CAPN12: variants seen among roughly 807,000 people sequenced by gnomAD.
CAPN12 encodes calpain 12.
In CAPN12, 107 loss-of-function variants were observed where a neutral mutation model predicts 95.0. The ratio of observed to expected loss-of-function variants is 1.13; its 90% CI spans 0.96 to 1.32. The LOEUF is 1.32. CAPN12 is among the 40% of genes most tolerant of loss of function. The pLI is 0.00. For synonymous variants in CAPN12, 505 were observed against 415.5 expected, an observed-to-expected ratio of 1.22 and a Z score of -2.62; for missense variants, 1,136 against 997.8, an observed-to-expected ratio of 1.14 and a Z score of -1.87.
intron 15 of CAPN12, 152 bp downstream of exon 15, chr19:38,734,660 TC>T: frequency 2.8e-6 from 2 of 704,296 alleles, no homozygotes; most frequent in Non-Finnish European, 4.6e-6. Flanking sequence ...CCACACAAGA[TC>T]CCCTGCAGGG....
intron 18 of CAPN12, among the ~76,000 whole-genome samples, chr19:38,731,987 G>A (rs35281901): frequency 0.057 from 8,678 of 152,362 alleles, 262 homozygotes; most frequent in South Asian, 0.096. Flanking sequence ...TCGGGCATAG[G>A]GGTGGAGGCT....
chr19:38,733,506 G>T, intron 18 of CAPN12, 197 bp downstream of exon 18: 1 of 437,442 alleles, frequency 2.3e-6, no homozygotes, highest in South Asian at 4.0e-5. Context: ...CCCCACACAC[G>T]CCCCTTGCCC....
At position 38,741,915 on chromosome 19, in the gene CAPN12, T is replaced by C; in HGVS notation, c.427-5A>G. 4 of 1,613,322 alleles carry C rather than the reference T, an allele frequency of 2.5e-6. No individual in the cohort carries two copies. The highest frequency in any genetic ancestry group is 1.1e-5 in the South Asian group (1 of 90,972). ...CCAGCGGCCAAACTGCCAGAGCTGG[T>C]GGGAGAAGATGCAGGGCCGGACTCG... On this transcript the variant is annotated splice_region_variant and splice_polypyrimidine_tract_variant and intron_variant, in intron 3 of 20. Transcript: ENST00000328867.
In CAPN12 at chr19:38,739,884, C is replaced by A. The variant is rs1176370833; in HGVS notation, c.729+167G>T. 3 of 658,642 alleles carry A rather than the reference C, an allele frequency of 4.6e-6. No individual in the cohort carries two copies. The African/African-American group carries it at 5.5e-5, about 12-fold the overall frequency. 40.8% of individuals were successfully genotyped at this position (658,642 alleles called of 1,614,324 possible). On this transcript the variant is annotated intron_variant, in intron 5 of 20. Coordinates refer to ENST00000328867, the MANE Select transcript of CAPN12 (RefSeq NM_144691.4). ...CTGGATCCAGCTGTGCCTGAAGCCC[C>A]TGATTCATGAGAGCAAATGAATTTA...
In CAPN12 at chr19:38,742,396, G is replaced by C; in HGVS notation, c.426+14C>G. The C allele has an allele frequency of 6.4e-7, 1 of 1,573,522 alleles. No individual in the cohort carries two copies. Among genetic ancestry groups the C allele is most frequent in the Non-Finnish European group, 8.7e-7 (1 of 1,143,024 alleles). On this transcript the variant is annotated intron_variant, in intron 3 of 20. Coordinates refer to ENST00000328867, the MANE Select transcript of CAPN12 (RefSeq NM_144691.4). ...GGGGGAAACGGAGGCATGGGCAGAGGAACTGAGCTGTACCTGGAAGTGGAA... is the reference window on the plus strand; with the variant it reads ...GGGGGAAACGGAGGCATGGGCAGAGCAACTGAGCTGTACCTGGAAGTGGAA...
chr19:38,742,573 C>CCTGGTG lies in CAPN12; in HGVS notation c.308-51_308-46dup, dbSNP rs531135942. 2.3e-4 allele frequency: 319 copies of CCTGGTG among 1,401,692 alleles called. 1 individual carries two copies. In the African/African-American group the frequency reaches 4.2e-3, roughly 18 times the overall value. The allele number at this position is 1,401,692 out of a possible 1,614,324, so 86.8% of individuals were successfully genotyped here. On this transcript the variant is annotated intron_variant, in intron 2 of 20. Transcript: ENST00000328867. ...TTAGGTGAGGATGGAAGGAGGGAGG[C>CCTGGTG]CTGGTGCGGTGGCTCATGCCTCTAA...
At chr19:38,733,976 C>T (rs1568769355) in intron 17 of CAPN12, 166 bp downstream of exon 17, 12 of 821,510 alleles carry the variant, frequency 1.5e-5, no homozygotes, top group South Asian at 3.5e-5. Flanking sequence ...ACCCAGAGGA[C>T]AAGCTGAGGC....
intron 17 of CAPN12, 80 bp from the exon 18 acceptor site, chr19:38,733,861 T>C (rs1248404651): frequency 4.1e-6 from 5 of 1,223,876 alleles, no homozygotes; most frequent in Non-Finnish European, 6.0e-6. Flanking sequence ...CAAGACAGCC[T>C]GGTGCCCATC....
At chr19:38,735,672 CGGGGCGGGGGTTCTG>C (rs1464931905) in intron 12 of CAPN12, 128 bp from the exon 13 acceptor site, 4 of 136,844 alleles carry the variant, frequency 2.9e-5, no homozygotes, top group South Asian at 5.3e-4. Flanking sequence ...CTCATCCTCG[CGGGGCGGGGGTTCTG>C]GGGGCGGGGC....
At position 38,741,870 on chromosome 19, in the gene CAPN12, T is replaced by TC; in HGVS notation, c.466dup (p.Asp156GlyfsTer7). 6.2e-7 allele frequency: 1 copy of TC among 1,614,090 alleles called. No homozygotes were observed. Among genetic ancestry groups the TC allele is most frequent in the African/African-American group, 1.3e-5 (1 of 75,062 alleles). The stretch of plus-strand genomic sequence containing the variant: ...CTTCCCCTCACGCACGGGCAGCCTG[T>TC]CATCCACCACGACGTCCATCCAGCG... On this transcript the variant is annotated frameshift_variant, in exon 4 of 21. Transcript: ENST00000328867. LOFTEE classifies it high-confidence loss of function.
intron 8 of CAPN12, 80 bp downstream of exon 8, chr19:38,738,193 C>A: frequency 4.1e-6 from 6 of 1,451,744 alleles, no homozygotes; most frequent in Non-Finnish European, 5.7e-6. Context: ...TAGGACCCAT[C>A]CTTCAACTGG....
intron 5 of CAPN12, 81 bp from the exon 6 acceptor site, chr19:38,738,729 C>T: frequency 7.6e-7 from 1 of 1,321,140 alleles, no homozygotes; most frequent in South Asian, 1.2e-5. Context: ...CTCCTGCCAC[C>T]AAGGCAGGAG....
Position 38,738,463 on chromosome 19 carries a change from C to CGCAGCCGCA in CAPN12, c.836_844dup (p.Leu279_Leu281dup), listed in dbSNP as rs772126885. On this transcript the variant is annotated inframe_insertion, in exon 7 of 21. Transcript: ENST00000328867. ...CCACTCCACGCAGCCCCATGGGTTC[C>CGCAGCCGCA]GCAGCCGCAGCAGCCGCACCTTGGT... 3.1e-6 allele frequency: 5 copies of CGCAGCCGCA among 1,609,976 alleles called. No individual in the cohort carries two copies. The highest frequency in any genetic ancestry group is 4.5e-5 in the East Asian group (2 of 44,832).
chr19:38,743,409 G>A (rs1353616894), intron 1 of CAPN12, among the ~76,000 whole-genome samples: 1 of 90,708 alleles, frequency 1.1e-5, no homozygotes, highest in African/African-American at 4.2e-5. Flanking sequence ...CAGGTCCCGA[G>A]CCCCTCCTCC....
chr19:38,733,927 T>C, intron 17 of CAPN12, 146 bp from the exon 18 acceptor site: 1 of 802,612 alleles, frequency 1.2e-6, no homozygotes. Flanking sequence ...CACTTGGGAC[T>C]TCTGTTTCCC....
intron 6 of CAPN12, 34 bp from the exon 7 acceptor site, chr19:38,738,537 G>C: frequency 6.2e-7 from 1 of 1,613,744 alleles, no homozygotes; most frequent in Non-Finnish European, 8.5e-7. Context: ...GTGATGCCTG[G>C]ACATGGCCTG....
Position 38,738,287 on chromosome 19 carries a change from CTCCTT to C in CAPN12, c.946_950del (p.Lys316GlyfsTer58). Reference sequence around the variant, plus strand: ...GACGAACTGACCAGAACTCGCCATCCTCCTTTTTCACCAGCAGGGCATCGCGGCAC... The same window carrying C: ...GACGAACTGACCAGAACTCGCCATCCTTTCACCAGCAGGGCATCGCGGCAC... On this transcript the variant is annotated frameshift_variant, in exon 8 of 21. Coordinates refer to ENST00000328867, the MANE Select transcript of CAPN12 (RefSeq NM_144691.4). LOFTEE classifies it high-confidence loss of function. 2 of 1,612,066 alleles carry C rather than the reference CTCCTT, an allele frequency of 1.2e-6. No homozygotes were observed. The highest frequency in any genetic ancestry group is 1.7e-6 in the Non-Finnish European group (2 of 1,180,008).
chr19:38,740,347 A>T, intron 4 of CAPN12, 128 bp from the exon 5 acceptor site: 1 of 1,061,740 alleles, frequency 9.4e-7, no homozygotes, highest in Non-Finnish European at 1.3e-6. Context: ...AAGTTTTGAG[A>T]CTTTTTCCAG....
In CAPN12 at chr19:38,734,138, TCA is replaced by T. The variant is rs1365625245; in HGVS notation, c.1878+2_1878+3del. Reference sequence around the variant, plus strand: ...CTGGGAAGAGGCCCAGTCTCCCACCTCACCTGCCACTCCAGGAGGTAGCCCCA... The same window carrying T: ...CTGGGAAGAGGCCCAGTCTCCCACCTCCTGCCACTCCAGGAGGTAGCCCCA... On this transcript the variant is annotated splice_donor_variant and splice_donor_region_variant and intron_variant, in intron 17 of 20. Coordinates refer to ENST00000328867, the MANE Select transcript of CAPN12 (RefSeq NM_144691.4). LOFTEE classifies it high-confidence loss of function. 1 of 1,612,004 alleles carries T rather than the reference TCA, an allele frequency of 6.2e-7. No individual in the cohort carries two copies. Among genetic ancestry groups the T allele is most frequent in the Non-Finnish European group, 8.5e-7 (1 of 1,179,596 alleles).
Sources: gnomAD v4.1 joint callset for allele counts (sites outside exome capture counted in the v4.1 genomes callset) on GRCh38, gnomAD v4.1.1 for gene constraint, MANE v1.5 for transcripts, NCBI Gene and HGNC (gene_info 2026-07-23, HGNC 2026-07-21) for gene names.